Variants in ALDH1L2 observed in about 807,000 individuals in gnomAD.
ALDH1L2 encodes the protein mitochondrial 10-formyltetrahydrofolate dehydrogenase.
Under a neutral mutation model 111.0 loss-of-function variants are expected in ALDH1L2, and 91 were observed. The observed-to-expected ratio is 0.82, with a 90% CI of 0.69 to 0.98. The LOEUF (loss-of-function observed/expected upper bound fraction) is 0.98. Among genes scored for constraint, ALDH1L2 ranks in the 50% least tolerant of loss-of-function variants. The pLI, the probability that ALDH1L2 is intolerant of heterozygous loss-of-function variation, is 0.00. For synonymous variants in ALDH1L2, 374 were observed against 392.6 expected (o/e 0.95, Z 0.56); for missense variants, 995 against 1,126.8 (o/e 0.88, Z 1.67).
chr12:105,065,379 C>CT, intron 5 of ALDH1L2, 23 bp from the exon 6 acceptor site: 1 of 1,595,356 alleles, frequency 6.3e-7, no homozygotes, highest in Non-Finnish European at 8.6e-7. Context: ...AAAATACAGG[C>CT]TGAGCCTCCT....
chr12:105,036,514 TTATATATATATA>T (rs1182802302), intron 18 of ALDH1L2, among the ~76,000 whole-genome samples: 357 of 23,652 alleles, frequency 0.015, 15 homozygotes, highest in Non-Finnish European at 0.022. Flanking sequence ...TATATATATT[TTATATATATATA>T]TATATATATA....
intron 15 of ALDH1L2, among the ~76,000 whole-genome samples, chr12:105,044,074 T>A (rs1051367002): frequency 2.6e-5 from 4 of 152,200 alleles, no homozygotes; most frequent in Non-Finnish European, 5.9e-5. Flanking sequence ...AGCATAACAA[T>A]GGCACCTTTG....
intron 9 of ALDH1L2, among the ~76,000 whole-genome samples, chr12:105,059,240 C>T (rs1248181647): frequency 6.6e-6 from 1 of 151,036 alleles, no homozygotes; most frequent in East Asian, 1.9e-4. Flanking sequence ...GCACTCCAGC[C>T]TGGCGACAGA....
In ALDH1L2 at chr12:105,020,058, T is replaced by C. The variant is rs1874088466; in HGVS notation, c.*4366A>G. ...GTTTTTTACATCATTGGGTATTTAA[T>C]CATTTTAAAAATCTACTCAGGCATC... On this transcript the variant is annotated 3_prime_UTR_variant, in exon 23 of 23. Transcript: ENST00000258494. 6.6e-6 allele frequency: 1 copy of C among 152,206 alleles called. No homozygotes were observed. Among genetic ancestry groups the C allele is most frequent in the African/African-American group, 2.4e-5 (1 of 41,446 alleles). The allele number at this position is 152,206 out of a possible 1,614,324, so 9.4% of individuals were successfully genotyped here. A position where few individuals can be genotyped will look rare whatever the true frequency, so the allele number is the denominator to read the frequency against.
At chr12:105,066,966 C>T (rs545240739) in intron 4 of ALDH1L2, among the ~76,000 whole-genome samples, 14 of 152,200 alleles carry the variant, frequency 9.2e-5, no homozygotes, top group Middle Eastern at 6.8e-3. Context: ...CAGTGGCTCA[C>T]GCCTGTAATC....
At chr12:105,064,734 C>T (rs764805284) in intron 6 of ALDH1L2, among the ~76,000 whole-genome samples, 32 of 152,214 alleles carry the variant, frequency 2.1e-4, no homozygotes, top group Non-Finnish European at 4.3e-4. Context: ...GAGGTGAAAC[C>T]TGAGAGCCTG....
chr12:105,020,608 G>C lies in ALDH1L2; in HGVS notation c.*3816C>G, dbSNP rs1487334313. On this transcript the variant is annotated 3_prime_UTR_variant, in exon 23 of 23. Transcript: ENST00000258494. ...TACAACAGGTAGTGATAAGTGCTAT[G>C]AAAATAATGCACTTATAAAAAGAAT... 1 of 152,218 alleles carries C rather than the reference G, an allele frequency of 6.6e-6. No homozygotes were observed. The allele number at this position is 152,218 out of a possible 1,614,324, so 9.4% of individuals were successfully genotyped here.
Position 105,061,013 on chromosome 12 carries a change from A to G in ALDH1L2, c.1107T>C (p.Phe369=). The G allele has an allele frequency of 6.2e-7, 1 of 1,614,056 alleles. No individual in the cohort carries two copies. Residue 369 remains phenylalanine, a synonymous_variant, in exon 9 of 23, where the codon TTT becomes TTC. Coordinates refer to ENST00000258494, the MANE Select transcript of ALDH1L2 (RefSeq NM_001034173.4). ...VPIIEDSTDF[F]KSGASSMDVA... ...CATCCATTGAGCTTGCTCCAGATTT[A>G]AAGAAGTCTGTTGAGTCTTCAATAA...
intron 6 of ALDH1L2, among the ~76,000 whole-genome samples, chr12:105,064,652 G>C (rs1333351156): frequency 6.6e-6 from 1 of 152,190 alleles, no homozygotes; most frequent in Non-Finnish European, 1.5e-5. Context: ...TAGGCAGAGT[G>C]TTGCTGGAAC....
chr12:105,077,520 C>G (rs183712620), intron 1 of ALDH1L2, among the ~76,000 whole-genome samples: 1 of 151,856 alleles, frequency 6.6e-6, no homozygotes, highest in Non-Finnish European at 1.5e-5. Flanking sequence ...CTCAGGCACT[C>G]CACCCGCCTT....
chr12:105,041,131 T>G (rs910504665), intron 15 of ALDH1L2, among the ~76,000 whole-genome samples: 6 of 152,228 alleles, frequency 3.9e-5, no homozygotes, highest in African/African-American at 1.2e-4. Flanking sequence ...GAATACATGA[T>G]TTGCAGACCA....
chr12:105,080,247 C>T (rs1402539845), intron 1 of ALDH1L2, among the ~76,000 whole-genome samples: 1 of 152,074 alleles, frequency 6.6e-6, no homozygotes, highest in South Asian at 2.1e-4. Context: ...GTTTTCTCAC[C>T]CCTGCTAAAC....
intron 4 of ALDH1L2, among the ~76,000 whole-genome samples, chr12:105,066,966 C>A (rs545240739): frequency 4.6e-5 from 7 of 152,082 alleles, no homozygotes; most frequent in Non-Finnish European, 2.9e-5. Flanking sequence ...CAGTGGCTCA[C>A]GCCTGTAATC....
At chr12:105,047,512 G>A (rs75943825) in intron 13 of ALDH1L2, 1 of 155,940 alleles carries the variant, frequency 6.4e-6, no homozygotes, top group African/African-American at 2.4e-5. Flanking sequence ...TCAACCTTCA[G>A]GGTGGAGGTC....
At chr12:105,054,939 A>G (rs973048779) in intron 10 of ALDH1L2, among the ~76,000 whole-genome samples, 1 of 152,206 alleles carries the variant, frequency 6.6e-6, no homozygotes. Context: ...ATCAGTGGCA[A>G]TTATTTAATA....
rs1874109890 is a variant in ALDH1L2 at position 105,020,527 on chromosome 12, A to C, written c.*3897T>G. On this transcript the variant is annotated 3_prime_UTR_variant, in exon 23 of 23. Coordinates refer to ENST00000258494, the MANE Select transcript of ALDH1L2 (RefSeq NM_001034173.4). ...ATTAGGACTGGAGATACAGTATTAA[A>C]ACAAGTACCTGTTCATGAAACTTAC... 1 of 152,266 alleles carries C rather than the reference A, an allele frequency of 6.6e-6. No individual in the cohort carries two copies. The highest frequency in any genetic ancestry group is 1.5e-5 in the Non-Finnish European group (1 of 68,046). The allele number at this position is 152,266 out of a possible 1,614,324, so 9.4% of individuals were successfully genotyped here. A position where few individuals can be genotyped will look rare whatever the true frequency, so the allele number is the denominator to read the frequency against.
At chr12:105,033,322 G>C (rs374267081) in intron 19 of ALDH1L2, among the ~76,000 whole-genome samples, 3 of 152,216 alleles carry the variant, frequency 2.0e-5, no homozygotes, top group Non-Finnish European at 4.4e-5. Context: ...TCTGGTCTCA[G>C]TGTTTGAAAT....
At chr12:105,027,263 T>A (rs567453675) in intron 21 of ALDH1L2, among the ~76,000 whole-genome samples, 238 of 152,218 alleles carry the variant, frequency 1.6e-3, no homozygotes, top group Non-Finnish European at 2.1e-3. Flanking sequence ...TTCATATATA[T>A]CATGCAACAC....
chr12:105,046,148 CT>C (rs937309541), intron 15 of ALDH1L2, among the ~76,000 whole-genome samples: 1 of 83,040 alleles, frequency 1.2e-5, no homozygotes, highest in Non-Finnish European at 2.2e-5. Context: ...TCTTCTACAT[CT>C]TCTCTCTCTC....
Sources: gnomAD v4.1 joint callset for allele counts (sites outside exome capture counted in the v4.1 genomes callset) on GRCh38, gnomAD v4.1.1 for gene constraint, MANE v1.5 for transcripts, NCBI Gene and HGNC (gene_info 2026-07-23, HGNC 2026-07-21) for gene names.